ERC1: variants seen among roughly 807,000 people sequenced by gnomAD.
The protein encoded by ERC1 is ELKS/RAB6-interacting/CAST family member 1, also known as RAB6 interacting protein 2.
ERC1 carries 56 observed loss-of-function variants against 132.0 expected under a neutral mutation model. The ratio of observed to expected loss-of-function variants is 0.42; its 90% CI spans 0.34 to 0.53. The LOEUF (loss-of-function observed/expected upper bound fraction) is 0.53. ERC1 is among the 20% of genes least tolerant of loss of function. The pLI, the probability that ERC1 is intolerant of heterozygous loss-of-function variation, is 0.03. For synonymous variants in ERC1, 478 were observed against 476.1 expected (o/e 1.00, Z -0.05); for missense variants, 1,202 against 1,349.9 (o/e 0.89, Z 1.72).
chr12:1,154,863 C>T (rs1312649236), intron 8 of ERC1, among the ~76,000 whole-genome samples: 2 of 152,038 alleles, frequency 1.3e-5, no homozygotes, highest in Admixed American at 1.3e-4. Context: ...GAGATACCAC[C>T]CTACCCCATC....
At chr12:1,021,698 CAAA>C (rs1162694084) in intron 1 of ERC1, among the ~76,000 whole-genome samples, 4 of 92,172 alleles carry the variant, frequency 4.3e-5, no homozygotes, top group African/African-American at 4.1e-5. Flanking sequence ...GACTCCGTCT[CAAA>C]AAAAAAAAAA....
chr12:1,006,779 T>C (rs1174487183), intron 1 of ERC1, among the ~76,000 whole-genome samples: 1 of 152,040 alleles, frequency 6.6e-6, no homozygotes, highest in East Asian at 1.9e-4. Flanking sequence ...TGTCTTGGCC[T>C]CCGAAAGCCC....
At chr12:1,400,674 G>GACAA (rs1448303381) in intron 16 of ERC1, among the ~76,000 whole-genome samples, 1 of 151,996 alleles carries the variant, frequency 6.6e-6, no homozygotes, top group African/African-American at 2.4e-5. Context: ...CACACCATGG[G>GACAA]ATGAAAAGAG....
intron 13 of ERC1, among the ~76,000 whole-genome samples, chr12:1,259,042 A>G (rs983291251): frequency 6.6e-6 from 1 of 152,174 alleles, no homozygotes; most frequent in Non-Finnish European, 1.5e-5. Flanking sequence ...TGATTTCTTC[A>G]TAGTGCAAGA....
intron 15 of ERC1, among the ~76,000 whole-genome samples, chr12:1,354,049 C>T (rs1176788857): frequency 3.3e-5 from 5 of 151,242 alleles, no homozygotes; most frequent in Admixed American, 6.6e-5. Context: ...CTGTGTGCCC[C>T]GCCTCTTATC....
intron 17 of ERC1, among the ~76,000 whole-genome samples, chr12:1,432,202 C>T (rs1415921863): frequency 6.6e-6 from 1 of 152,226 alleles, no homozygotes; most frequent in Non-Finnish European, 1.5e-5. Flanking sequence ...AAACAATCCA[C>T]CTCTGCTGTT....
chr12:1,271,515 CT>C (rs1411301059), intron 14 of ERC1, among the ~76,000 whole-genome samples: 1 of 152,084 alleles, frequency 6.6e-6, no homozygotes, highest in African/African-American at 2.4e-5. Context: ...GAAATGTTAG[CT>C]ACATTATCGT....
At chr12:1,176,698 A>T (rs1471162317) in intron 8 of ERC1, among the ~76,000 whole-genome samples, 2 of 151,798 alleles carry the variant, frequency 1.3e-5, no homozygotes, top group Non-Finnish European at 2.9e-5. Flanking sequence ...CTCCCATCTC[A>T]GCCTCGTGAA....
chr12:1,167,902 G>A (rs1952595132), intron 8 of ERC1, among the ~76,000 whole-genome samples: 1 of 151,818 alleles, frequency 6.6e-6, no homozygotes. Flanking sequence ...TTTTACTGCA[G>A]ACGGGGTTTC....
intron 2 of ERC1, among the ~76,000 whole-genome samples, chr12:1,068,503 T>A (rs73035128): frequency 7.5e-3 from 1,015 of 135,992 alleles, no homozygotes; most frequent in Non-Finnish European, 9.0e-3. Context: ...AAGTAGTCAC[T>A]CAGGGATACC....
At chr12:1,288,275 TTTTG>T (rs548716539) in intron 14 of ERC1, among the ~76,000 whole-genome samples, 12 of 152,190 alleles carry the variant, frequency 7.9e-5, no homozygotes, top group Non-Finnish European at 1.0e-4. Flanking sequence ...ATATTCTCTT[TTTTG>T]TTTGTTTGTT....
intron 11 of ERC1, among the ~76,000 whole-genome samples, chr12:1,185,305 G>C (rs536183067): frequency 6.6e-6 from 1 of 151,968 alleles, no homozygotes; most frequent in South Asian, 2.1e-4. Flanking sequence ...CTCCCAAACT[G>C]CTGGGAGCAA....
At chr12:1,146,315 T>TGTTGTTGTTG (rs1950350375) in intron 8 of ERC1, among the ~76,000 whole-genome samples, 1 of 138,650 alleles carries the variant, frequency 7.2e-6, no homozygotes, top group African/African-American at 2.9e-5. Context: ...CTGGTTTTTT[T>TGTTGTTGTTG]TTTTTTTTTT....
intron 16 of ERC1, among the ~76,000 whole-genome samples, chr12:1,402,614 A>AACACCACAC (rs762354470): frequency 1.1e-4 from 16 of 144,992 alleles, no homozygotes; most frequent in African/African-American, 3.3e-4. Flanking sequence ...TGTAACCCCC[A>AACACCACAC]ACACACACAC....
intron 13 of ERC1, among the ~76,000 whole-genome samples, chr12:1,244,225 C>T (rs553568375): frequency 1.2e-4 from 19 of 152,250 alleles, no homozygotes; most frequent in Admixed American, 5.2e-4. Flanking sequence ...GTCACACAAT[C>T]GTAATCGAAT....
chr12:1,137,065 T>TTTTTTC (rs377373664), intron 7 of ERC1, among the ~76,000 whole-genome samples: 134 of 151,710 alleles, frequency 8.8e-4, no homozygotes, highest in Non-Finnish European at 1.4e-3. Context: ...TCACCAGTTC[T>TTTTTTC]TTTTTCTTTT....
chr12:1,379,188 C>A (rs1457491351), intron 16 of ERC1, among the ~76,000 whole-genome samples: 1 of 152,156 alleles, frequency 6.6e-6, no homozygotes, highest in Non-Finnish European at 1.5e-5. Context: ...TCACGTTTTA[C>A]CATAAGCAGC....
At chr12:1,153,545 A>G (rs543310841) in intron 8 of ERC1, among the ~76,000 whole-genome samples, 1 of 152,398 alleles carries the variant, frequency 6.6e-6, no homozygotes, top group African/African-American at 2.4e-5. Flanking sequence ...AACAGCTCAC[A>G]GTTTTCCTAG....
At chr12:1,414,656 G>GT (rs949679496) in intron 17 of ERC1, among the ~76,000 whole-genome samples, 1 of 152,098 alleles carries the variant, frequency 6.6e-6, no homozygotes, top group Non-Finnish European at 1.5e-5. Flanking sequence ...TCCGTTTACT[G>GT]TAAGTTTTCT....
Sources: gnomAD v4.1 joint callset for allele counts (sites outside exome capture counted in the v4.1 genomes callset) on GRCh38, gnomAD v4.1.1 for gene constraint, MANE v1.5 for transcripts, NCBI Gene and HGNC (gene_info 2026-07-23, HGNC 2026-07-21) for gene names.